Variants in GPC5 observed in about 807,000 individuals in gnomAD.
GPC5 encodes glypican 5.
GPC5 carries 47 observed loss-of-function variants against 53.9 expected under a neutral mutation model. That is an observed-to-expected ratio of 0.87 (90% CI 0.69 to 1.11). GPC5 has a LOEUF of 1.11. Among genes scored for constraint, GPC5 ranks in the 50% most tolerant of loss-of-function variants. The probability of loss-of-function intolerance (pLI) is 0.00; values close to 1 mark genes in which losing one functional copy is unlikely to be tolerated. For missense variants in GPC5, 748 were observed against 713.1 expected, an observed-to-expected ratio of 1.05 and a Z score of -0.56; for synonymous variants, 286 against 263.3, an observed-to-expected ratio of 1.09 and a Z score of -0.84.
chr13:91,978,351 T>G lies in GPC5; in HGVS notation c.1401+70294T>G, dbSNP rs1331200315. On this transcript the variant is annotated intron_variant, in intron 6 of 7. Transcript: ENST00000377067. ...TCATTGTAGCAATATTTATTGAATGTTTCCTATGCACCTAGAATATAGGCT... is the reference window on the plus strand; with the variant it reads ...TCATTGTAGCAATATTTATTGAATGGTTCCTATGCACCTAGAATATAGGCT... 2.0e-5 allele frequency among the ~76,000 whole-genome samples: 3 copies of G among 152,218 alleles called. No homozygotes were observed. In the South Asian group the frequency reaches 6.2e-4, roughly 32 times the overall value.
chr13:92,517,948 C>A (rs1880862215), intron 7 of GPC5, among the ~76,000 whole-genome samples: 1 of 152,100 alleles, frequency 6.6e-6, no homozygotes. Flanking sequence ...AGATGAATGG[C>A]TAACTAGAAA....
At chr13:91,926,302 A>G (rs1480224994) in intron 6 of GPC5, among the ~76,000 whole-genome samples, 2 of 150,298 alleles carry the variant, frequency 1.3e-5, no homozygotes, top group Middle Eastern at 3.5e-3. Context: ...CAGAGGTTGC[A>G]GTGAGCCAAG....
intron 7 of GPC5, among the ~76,000 whole-genome samples, chr13:92,593,628 A>G (rs1350936920): frequency 2.0e-5 from 3 of 151,420 alleles, no homozygotes; most frequent in African/African-American, 7.3e-5. Context: ...GGAAGAGAAG[A>G]TGTTCTAGAA....
chr13:92,440,758 G>A (rs1302088291), intron 7 of GPC5, among the ~76,000 whole-genome samples: 1 of 152,096 alleles, frequency 6.6e-6, no homozygotes, highest in Non-Finnish European at 1.5e-5. Context: ...GCCAGCATCT[G>A]TTATTTTTTG....
At chr13:91,935,003 G>T (rs746189827) in intron 6 of GPC5, among the ~76,000 whole-genome samples, 34 of 151,984 alleles carry the variant, frequency 2.2e-4, no homozygotes, top group Admixed American at 2.0e-4. Flanking sequence ...GGGTATGTGA[G>T]CTAGATTTGC....
At chr13:92,532,757 T>A (rs1282290024) in intron 7 of GPC5, among the ~76,000 whole-genome samples, 1 of 152,196 alleles carries the variant, frequency 6.6e-6, no homozygotes, top group African/African-American at 2.4e-5. Flanking sequence ...TGCTTATTCA[T>A]ATTTTCAAGA....
chr13:92,810,111 A>C (rs956275076), intron 7 of GPC5, among the ~76,000 whole-genome samples: 4 of 152,072 alleles, frequency 2.6e-5, no homozygotes, highest in African/African-American at 9.7e-5. Context: ...TCATTAATTA[A>C]ATTATCCTTG....
At chr13:92,860,276 G>A (rs1251128392) in intron 7 of GPC5, among the ~76,000 whole-genome samples, 1 of 152,048 alleles carries the variant, frequency 6.6e-6, no homozygotes, top group Non-Finnish European at 1.5e-5. Context: ...AATAGAAAAG[G>A]CTTTCATGAA....
chr13:91,708,742 T>G, intron 3 of GPC5, among the ~76,000 whole-genome samples: 1 of 152,224 alleles, frequency 6.6e-6, no homozygotes, highest in African/African-American at 2.4e-5. Context: ...GAAAATTGAC[T>G]CATGCAAATA....
chr13:92,543,752 A>G (rs943584797), intron 7 of GPC5, among the ~76,000 whole-genome samples: 14 of 152,180 alleles, frequency 9.2e-5, no homozygotes, highest in African/African-American at 3.4e-4. Context: ...AGGAAGACTA[A>G]AATTTTTTAT....
At chr13:92,186,993 T>A (rs970020647) in intron 7 of GPC5, among the ~76,000 whole-genome samples, 1 of 152,076 alleles carries the variant, frequency 6.6e-6, no homozygotes, top group Non-Finnish European at 1.5e-5. Context: ...ACACCTGTAA[T>A]TCCAGCTGCT....
At chr13:92,739,572 A>G (rs1392320522) in intron 7 of GPC5, among the ~76,000 whole-genome samples, 3 of 152,038 alleles carry the variant, frequency 2.0e-5, no homozygotes, top group Admixed American at 6.6e-5. Context: ...ACTGAACACA[A>G]TCTTATCAAA....
chr13:92,683,144 A>T (rs536193206), intron 7 of GPC5, among the ~76,000 whole-genome samples: 2 of 152,282 alleles, frequency 1.3e-5, no homozygotes, highest in East Asian at 3.9e-4. Context: ...CGCTATTCCC[A>T]GAAAGATAAA....
At chr13:91,997,754 A>T (rs1357297203) in intron 6 of GPC5, among the ~76,000 whole-genome samples, 1 of 152,082 alleles carries the variant, frequency 6.6e-6, no homozygotes, top group Non-Finnish European at 1.5e-5. Flanking sequence ...TCCTGACCTC[A>T]AATGATCTGC....
chr13:91,881,604 C>G (rs1470220965), intron 5 of GPC5, among the ~76,000 whole-genome samples: 2 of 152,078 alleles, frequency 1.3e-5, no homozygotes, highest in South Asian at 2.1e-4. Flanking sequence ...ATCTACCCAC[C>G]CATTTATTAA....
intron 6 of GPC5, among the ~76,000 whole-genome samples, chr13:92,045,014 C>G (rs116477941): frequency 3.9e-5 from 6 of 152,060 alleles, no homozygotes; most frequent in Non-Finnish European, 8.8e-5. Flanking sequence ...TATAGCAAGT[C>G]AGAGTGAGAA....
At chr13:92,700,248 C>A (rs1887686463) in intron 7 of GPC5, among the ~76,000 whole-genome samples, 1 of 143,910 alleles carries the variant, frequency 6.9e-6, no homozygotes, top group Non-Finnish European at 1.5e-5. Flanking sequence ...GGGATTGCAA[C>A]CCCTGCATTT....
At chr13:91,427,879 C>T (rs1594075218) in intron 1 of GPC5, among the ~76,000 whole-genome samples, 1 of 152,040 alleles carries the variant, frequency 6.6e-6, no homozygotes, top group Non-Finnish European at 1.5e-5. Flanking sequence ...AGTGAATTCT[C>T]ACAAGATCTG....
At chr13:91,426,546 A>G (rs1879066346) in intron 1 of GPC5, among the ~76,000 whole-genome samples, 1 of 152,240 alleles carries the variant, frequency 6.6e-6, no homozygotes, top group Admixed American at 6.5e-5. Flanking sequence ...GGAAGCCAAC[A>G]GTGCAGCCTT....
Sources: allele counts gnomAD v4.1 joint callset (sites outside exome capture counted in the v4.1 genomes callset), GRCh38; gene constraint gnomAD v4.1.1; transcripts MANE v1.5; gene names NCBI Gene and HGNC (gene_info 2026-07-23, HGNC 2026-07-21).